The following CLIP4 variants were observed in gnomAD, a reference collection of about 807,000 sequenced individuals.
The protein encoded by CLIP4 is CAP-Gly domain-containing linker protein 4.
A neutral mutation model predicts 73.1 loss-of-function variants in CLIP4; 47 were observed. The ratio of observed to expected loss-of-function variants is 0.64; its 90% CI spans 0.51 to 0.82. CLIP4 has a LOEUF of 0.82. Ranked by LOEUF, CLIP4 falls within the 40% of genes least tolerant of loss-of-function variation. CLIP4 has a pLI of 0.00. For missense variants in CLIP4, 874 were observed against 852.9 expected, an observed-to-expected ratio of 1.02 and a Z score of -0.31; for synonymous variants, 306 against 295.4, an observed-to-expected ratio of 1.04 and a Z score of -0.37.
At chr2:29,160,737 G>T (rs1471910264) in intron 12 of CLIP4, among the ~76,000 whole-genome samples, 2 of 152,104 alleles carry the variant, frequency 1.3e-5, no homozygotes, top group South Asian at 2.1e-4. Context: ...CTTACTGATT[G>T]CTGGGTGTGC....
At position 29,122,240 on chromosome 2, in the gene CLIP4, C is replaced by CTT. The variant is rs11359647; in HGVS notation, c.133+733_133+734dup. Among the ~76,000 whole-genome samples, 1,180 of 135,264 alleles carry CTT rather than the reference C, an allele frequency of 8.7e-3. 15 individuals are homozygous for CTT. Among genetic ancestry groups the CTT allele is most frequent in the African/African-American group, 0.029 (1,087 of 37,270 alleles). The allele number at this position is 135,264 out of a possible 152,430, so 88.7% of individuals were successfully genotyped here. A position where few individuals can be genotyped will look rare whatever the true frequency, so the allele number is the denominator to read the frequency against. ...ATAGTAATTCCTCATCTCCAAGTTT[C>CTT]TTTTTTTTTTTTTTTGTATTCAGAT... On this transcript the variant is annotated intron_variant, in intron 2 of 15. Coordinates refer to ENST00000320081, the MANE Select transcript of CLIP4 (RefSeq NM_024692.6).
intron 1 of CLIP4, among the ~76,000 whole-genome samples, chr2:29,120,877 A>G (rs1405731651): frequency 6.6e-6 from 1 of 152,176 alleles, no homozygotes; most frequent in African/African-American, 2.4e-5. Flanking sequence ...TTAGATTTGT[A>G]AGAGGGATAT....
At chr2:29,172,187 C>G (rs1291756163) in intron 14 of CLIP4, among the ~76,000 whole-genome samples, 1 of 151,758 alleles carries the variant, frequency 6.6e-6, no homozygotes, top group East Asian at 1.9e-4. Flanking sequence ...GTTGTCCAGT[C>G]TGTATTTTAT....
intron 14 of CLIP4, among the ~76,000 whole-genome samples, chr2:29,172,599 G>A (rs1022962492): frequency 2.0e-5 from 3 of 151,950 alleles, no homozygotes; most frequent in African/African-American, 7.2e-5. Flanking sequence ...GGATTTTTCT[G>A]TATCTGGGAG....
intron 14 of CLIP4, among the ~76,000 whole-genome samples, chr2:29,173,453 T>C (rs1233927499): frequency 6.6e-6 from 1 of 152,218 alleles, no homozygotes. Context: ...GGCCCTGGGC[T>C]TTATTTTCTT....
At chr2:29,140,655 A>T (rs1156927254) in intron 6 of CLIP4, among the ~76,000 whole-genome samples, 1 of 152,162 alleles carries the variant, frequency 6.6e-6, no homozygotes, top group Non-Finnish European at 1.5e-5. Flanking sequence ...GAATCGCCAC[A>T]CTGACTTCCA....
At chr2:29,105,921 T>C in intron 1 of CLIP4, among the ~76,000 whole-genome samples, 1 of 152,228 alleles carries the variant, frequency 6.6e-6, no homozygotes, top group East Asian at 1.9e-4. Context: ...ATAAGCCACT[T>C]TGTCTATGGC....
At chr2:29,127,144 G>A (rs1572895725) in intron 2 of CLIP4, among the ~76,000 whole-genome samples, 2 of 152,078 alleles carry the variant, frequency 1.3e-5, no homozygotes, top group Non-Finnish European at 2.9e-5. Flanking sequence ...ACATTCTCAA[G>A]TATGCCATTC....
At chr2:29,152,497 C>A (rs1666639991) in intron 8 of CLIP4, among the ~76,000 whole-genome samples, 188 bp from the exon 9 acceptor site, 1 of 152,098 alleles carries the variant, frequency 6.6e-6, no homozygotes, top group Non-Finnish European at 1.5e-5. Context: ...TGTTGTTAGT[C>A]TTGAAAACTA....
chr2:29,125,785 A>C (rs1664564192), intron 2 of CLIP4, among the ~76,000 whole-genome samples: 1 of 152,192 alleles, frequency 6.6e-6, no homozygotes, highest in Non-Finnish European at 1.5e-5. Flanking sequence ...TGGTTGTTTC[A>C]GATGGAAGGG....
intron 7 of CLIP4, among the ~76,000 whole-genome samples, chr2:29,144,976 C>T (rs567463841): frequency 1.7e-4 from 25 of 151,436 alleles, no homozygotes; most frequent in Admixed American, 9.2e-4. Flanking sequence ...AATTAGGATT[C>T]TTATGTCTTC....
intron 2 of CLIP4, among the ~76,000 whole-genome samples, chr2:29,128,328 CAAG>C (rs1664748364): frequency 6.6e-6 from 1 of 150,900 alleles, no homozygotes; most frequent in Non-Finnish European, 1.5e-5. Flanking sequence ...CCAAAAGATT[CAAG>C]ATTCAAAGCA....
intron 14 of CLIP4, among the ~76,000 whole-genome samples, chr2:29,168,153 G>A (rs1050264838): frequency 6.6e-6 from 1 of 152,234 alleles, no homozygotes; most frequent in East Asian, 1.9e-4. Context: ...TGATTTAGAA[G>A]TCTTTGCCTA....
intron 3 of CLIP4, chr2:29,131,933 C>CT: frequency 8.3e-6 from 4 of 484,650 alleles, no homozygotes; most frequent in Middle Eastern, 5.3e-4. Context: ...TTGGAATAAT[C>CT]TTTAAGAATT....
chr2:29,107,640 C>G (rs1668265972), intron 1 of CLIP4, among the ~76,000 whole-genome samples: 1 of 151,696 alleles, frequency 6.6e-6, no homozygotes, highest in Non-Finnish European at 1.5e-5. Context: ...TCCCAAAGTT[C>G]TGGGATTATA....
rs1665962987 is a variant in CLIP4 at position 29,143,889 on chromosome 2, A to G, written c.829A>G (p.Met277Val). Residue 277 changes from methionine (M) to valine (V), a missense_variant, in exon 7 of 16, where the codon ATG becomes GTG. Physicochemically the swap from Met to Val is conservative, Grantham distance 21. Coordinates refer to ENST00000320081, the MANE Select transcript of CLIP4 (RefSeq NM_024692.6). ...PNYDHVTGKA[M>V]LTSLGLKLGD... is the part of the protein sequence containing the mutation. Reference sequence around the variant, plus strand: ...TTATGATCATGTCACTGGCAAGGCAATGCTTACGTCACTTGGCCTGAAGTT... The same window carrying G: ...TTATGATCATGTCACTGGCAAGGCAGTGCTTACGTCACTTGGCCTGAAGTT... The G allele has an allele frequency of 1.9e-6, 3 of 1,614,184 alleles. No homozygotes were observed. The highest frequency in any genetic ancestry group is 2.7e-5 in the African/African-American group (2 of 75,062).
chr2:29,175,264 C>T (rs1668258364), intron 15 of CLIP4: 1 of 152,194 alleles, frequency 6.6e-6, no homozygotes, highest in Non-Finnish European at 1.5e-5. Flanking sequence ...AAACCTGGCT[C>T]ATCCTGAGGA....
chr2:29,162,409 G>C (rs1412107617), intron 12 of CLIP4, among the ~76,000 whole-genome samples: 1 of 152,148 alleles, frequency 6.6e-6, no homozygotes, highest in Non-Finnish European at 1.5e-5. Flanking sequence ...GGTCTCATCA[G>C]CATTTTTTAT....
intron 4 of CLIP4, among the ~76,000 whole-genome samples, chr2:29,133,362 A>G (rs1250418029): frequency 1.3e-5 from 2 of 152,240 alleles, no homozygotes; most frequent in African/African-American, 2.4e-5. Context: ...TGATGGCTTC[A>G]TAGCATTCTA....
Sources: gnomAD v4.1 joint callset for allele counts (sites outside exome capture counted in the v4.1 genomes callset) on GRCh38, gnomAD v4.1.1 for gene constraint, MANE v1.5 for transcripts, NCBI Gene and HGNC (gene_info 2026-07-23, HGNC 2026-07-21) for gene names.